The following MAPK14 variants were observed in gnomAD, a reference collection of about 807,000 sequenced individuals.
MAPK14 encodes the protein mitogen-activated protein kinase 14, also known as CSAID-binding protein.
In MAPK14, 16 loss-of-function variants were observed where a neutral mutation model predicts 49.6. The observed-to-expected ratio is 0.32, with a 90% CI of 0.22 to 0.49. MAPK14 has a LOEUF of 0.49. Among genes scored for constraint, MAPK14 ranks in the 20% least tolerant of loss-of-function variants. The pLI, the probability that MAPK14 is intolerant of heterozygous loss-of-function variation, is 0.99. For missense variants in MAPK14, 200 were observed against 441.2 expected (o/e 0.45, Z 4.90); for synonymous variants, 142 against 158.0 (o/e 0.90, Z 0.76).
intron 8 of MAPK14, among the ~76,000 whole-genome samples, chr6:36,081,753 A>G (rs1219619289): frequency 1.3e-5 from 2 of 152,096 alleles, no homozygotes; most frequent in Non-Finnish European, 2.9e-5. Flanking sequence ...GAATTTAACA[A>G]TTGGCATTTC....
At chr6:36,064,438 T>G (rs1763964610) in intron 3 of MAPK14, among the ~76,000 whole-genome samples, 1 of 152,116 alleles carries the variant, frequency 6.6e-6, no homozygotes, top group African/African-American at 2.4e-5. Context: ...ATTTTACAAG[T>G]TCCCATCCCA....
chr6:36,037,247 G>A (rs958726957), intron 1 of MAPK14, among the ~76,000 whole-genome samples: 4 of 152,156 alleles, frequency 2.6e-5, no homozygotes, highest in African/African-American at 9.7e-5. Flanking sequence ...AGGTACACCT[G>A]TATGTATGTG....
At chr6:36,076,456 C>T (rs1187172884) in intron 7 of MAPK14, 81 bp from the exon 8 acceptor site, 1 of 958,332 alleles carries the variant, frequency 1.0e-6, no homozygotes, top group East Asian at 2.4e-5. Flanking sequence ...GAATATTTCA[C>T]CCCTAGTTAC....
intron 7 of MAPK14, 110 bp from the exon 8 acceptor site, chr6:36,076,427 A>G: frequency 1.3e-6 from 1 of 761,318 alleles, no homozygotes; most frequent in Non-Finnish European, 2.3e-6. Context: ...TGAGCCTCAG[A>G]TGTCTTAAAT....
intron 1 of MAPK14, among the ~76,000 whole-genome samples, chr6:36,040,486 C>T (rs968468664): frequency 6.6e-6 from 1 of 152,190 alleles, no homozygotes; most frequent in Non-Finnish European, 1.5e-5. Context: ...TTGGGCCTCT[C>T]TAAACATGAT....
rs8510 is a variant in MAPK14 at position 36,110,403 on chromosome 6, C to T, written c.*1956C>T. On this transcript the variant is annotated 3_prime_UTR_variant, in exon 12 of 12. Coordinates refer to ENST00000229794, the MANE Select transcript of MAPK14 (RefSeq NM_139012.3). ...TCTCCTTTATTGCAGTTCAAATCCT[C>T]ACCATCCACAGCAAGATGAATTTTA... 0.11 allele frequency: 16,336 copies of T among 152,714 alleles called. 1,671 individuals carry two copies. Among genetic ancestry groups the T allele is most frequent in the East Asian group, 0.51 (2,622 of 5,178 alleles). The allele number at this position is 152,714 out of a possible 1,614,324, so 9.5% of individuals were successfully genotyped here.
intron 3 of MAPK14, among the ~76,000 whole-genome samples, chr6:36,066,387 C>T (rs1764058607): frequency 6.7e-6 from 1 of 149,370 alleles, no homozygotes; most frequent in Non-Finnish European, 1.5e-5. Context: ...TCTCGTTTTC[C>T]AATTGCTATG....
At chr6:36,124,180 C>T in the MAPK14 span, among the ~76,000 whole-genome samples, 3 of 136,708 alleles carry the variant, frequency 2.2e-5, no homozygotes, top group East Asian at 5.0e-4. Flanking sequence ...TCCTTCCTGC[C>T]TTCCTTTCGT....
intron 1 of MAPK14, among the ~76,000 whole-genome samples, chr6:36,048,498 T>C (rs1383794567): frequency 6.6e-6 from 1 of 152,212 alleles, no homozygotes; most frequent in Non-Finnish European, 1.5e-5. Context: ...TTTAAAAGAC[T>C]GTATTGGATG....
At chr6:36,038,189 A>G (rs1398977713) in intron 1 of MAPK14, among the ~76,000 whole-genome samples, 1 of 152,170 alleles carries the variant, frequency 6.6e-6, no homozygotes, top group Non-Finnish European at 1.5e-5. Flanking sequence ...TCATTGATAA[A>G]GTAACAATTG....
chr6:36,051,991 C>G (rs1481482154), intron 1 of MAPK14, among the ~76,000 whole-genome samples: 3 of 151,970 alleles, frequency 2.0e-5, no homozygotes, highest in Non-Finnish European at 4.4e-5. Context: ...CCTCAGCCAT[C>G]CTAGCTAAAG....
chr6:36,115,561 G>A (rs1034060470), downstream of MAPK14, among the ~76,000 whole-genome samples: 1 of 151,938 alleles, frequency 6.6e-6, no homozygotes, highest in East Asian at 1.9e-4. Context: ...GAGGCGGGCA[G>A]AACACTTGAG....
At chr6:36,073,794 TC>T (rs1453429840) in intron 5 of MAPK14, 74 bp downstream of exon 5, 1 of 1,424,476 alleles carries the variant, frequency 7.0e-7, no homozygotes, top group African/African-American at 1.4e-5. Flanking sequence ...TTAGCCAAGA[TC>T]CTAATCTAAA....
chr6:36,095,261 G>A (rs1765398938), intron 8 of MAPK14, among the ~76,000 whole-genome samples: 1 of 152,208 alleles, frequency 6.6e-6, no homozygotes, highest in Non-Finnish European at 1.5e-5. Flanking sequence ...TGTGAAGTTT[G>A]TTAAGCATTG....
chr6:36,071,110 A>C lies in MAPK14; in HGVS notation c.306-1763A>C, dbSNP rs150806361. Among the ~76,000 whole-genome samples the C allele has an allele frequency of 2.8e-3, 431 of 152,186 alleles. 4 individuals carry two copies. Among genetic ancestry groups the C allele is most frequent in the African/African-American group, 9.8e-3 (405 of 41,516 alleles). ...CACTTTGGGAGGCCATGGTGGGTGG[A>C]TCACTTGAGATCAGGAGTTCGAGAC... On this transcript the variant is annotated intron_variant, in intron 3 of 11. Coordinates refer to ENST00000229794, the MANE Select transcript of MAPK14 (RefSeq NM_139012.3).
At chr6:36,073,026 C>T (rs750163268) in intron 4 of MAPK14, 42 bp downstream of exon 4, 2 of 1,221,812 alleles carry the variant, frequency 1.6e-6, no homozygotes. Flanking sequence ...ATGAATTCTC[C>T]CTTTCTCCCC....
rs548953154 is a variant in MAPK14 at position 36,076,972 on chromosome 6, T to C, written c.682+364T>C. On this transcript the variant is annotated intron_variant, in intron 8 of 11. Coordinates refer to ENST00000229794, the MANE Select transcript of MAPK14 (RefSeq NM_139012.3). ...GTATAAACACTTAATGAGCACAAGA[T>C]GCCCATTTATAAATGAAGGGCATCT... 77 of 164,676 alleles carry C rather than the reference T, an allele frequency of 4.7e-4. 1 individual carries two copies. In the South Asian group the frequency reaches 0.015, roughly 32 times the overall value. 10.2% of individuals were successfully genotyped at this position (164,676 alleles called of 1,614,324 possible). A position where few individuals can be genotyped will look rare whatever the true frequency, so the allele number is the denominator to read the frequency against.
At chr6:36,054,050 A>G (rs770040217) in intron 2 of MAPK14, among the ~76,000 whole-genome samples, 1 of 149,606 alleles carries the variant, frequency 6.7e-6, no homozygotes, top group Non-Finnish European at 1.5e-5. Context: ...AATCAGTGAC[A>G]TGTTTACAAG....
At chr6:36,104,093 G>GA (rs1385795613) in intron 10 of MAPK14, among the ~76,000 whole-genome samples, 1 of 152,184 alleles carries the variant, frequency 6.6e-6, no homozygotes, top group Non-Finnish European at 1.5e-5. Flanking sequence ...TATAATAGCA[G>GA]AGATACTCAC....
Sources: allele counts gnomAD v4.1 joint callset (sites outside exome capture counted in the v4.1 genomes callset), GRCh38; gene constraint gnomAD v4.1.1; transcripts MANE v1.5; gene names NCBI Gene and HGNC (gene_info 2026-07-23, HGNC 2026-07-21).